The following NAAA variants were observed in gnomAD, a reference collection of about 807,000 sequenced individuals.
NAAA encodes N-acylethanolamine acid amidase.
A neutral mutation model predicts 44.8 loss-of-function variants in NAAA; 39 were observed. The observed-to-expected ratio is 0.87, with a 90% CI of 0.67 to 1.14. The LOEUF (loss-of-function observed/expected upper bound fraction) is 1.14, where lower values mean the gene tolerates loss of function less well. Ranked by LOEUF, NAAA falls within the 50% of genes most tolerant of loss-of-function variation. The probability of loss-of-function intolerance (pLI) is 0.00; values close to 1 mark genes in which losing one functional copy is unlikely to be tolerated. For synonymous variants in NAAA, 178 were observed against 191.3 expected (o/e 0.93, Z 0.58); for missense variants, 460 against 467.8 (o/e 0.98, Z 0.15).
intron 9 of NAAA, chr4:75,916,326 C>G (rs573636525): frequency 6.6e-6 from 1 of 152,078 alleles, no homozygotes; most frequent in African/African-American, 2.4e-5. Flanking sequence ...ATGTAAAGGG[C>G]CTGAGAGTCA....
intron 4 of NAAA, chr4:75,930,488 AG>A (rs1478976807): frequency 1.9e-6 from 1 of 518,470 alleles, no homozygotes; most frequent in Admixed American, 1.9e-5. Flanking sequence ...GGGTCTAAGA[AG>A]AAGACATGTG....
chr4:75,930,586 C>A (rs910976676), intron 4 of NAAA: 3 of 453,116 alleles, frequency 6.6e-6, no homozygotes, highest in African/African-American at 6.0e-5. Flanking sequence ...ACAGTAGTTT[C>A]CAAATGGTCT....
intron 9 of NAAA, 152 bp from the exon 10 acceptor site, chr4:75,915,137 T>C (rs1725524380): frequency 1.8e-5 from 11 of 623,384 alleles, no homozygotes; most frequent in Non-Finnish European, 2.8e-5. Flanking sequence ...GAGGTCAAAG[T>C]GCACTTTCCT....
chr4:75,926,018 G>A (rs1478259708), intron 4 of NAAA, among the ~76,000 whole-genome samples: 3 of 152,112 alleles, frequency 2.0e-5, no homozygotes, highest in Non-Finnish European at 4.4e-5. Flanking sequence ...TAGCCATCAA[G>A]GGAAGTGTCT....
chr4:75,914,432 T>C (rs1426650831), intron 10 of NAAA, 94 bp from the exon 11 acceptor site: 1 of 463,200 alleles, frequency 2.2e-6, no homozygotes, highest in African/African-American at 2.1e-5. Context: ...TGGAGTGCAG[T>C]GGTGTGATCT....
At chr4:75,935,946 G>T in intron 3 of NAAA, 163 bp downstream of exon 3, 1 of 755,170 alleles carries the variant, frequency 1.3e-6, no homozygotes, top group Non-Finnish European at 2.2e-6. Context: ...CTTCCTATAA[G>T]CATAATTGAT....
rs564851528 is a variant in NAAA, at chr4:75,931,401, T to A, written c.499-97A>T. 4.3e-5 allele frequency: 37 copies of A among 868,586 alleles called. No homozygotes were observed. The South Asian group carries it at 6.1e-4, about 14-fold the overall frequency. The allele number at this position is 868,586 out of a possible 1,614,324, so 53.8% of individuals were successfully genotyped here. A position where few individuals can be genotyped will look rare whatever the true frequency, so the allele number is the denominator to read the frequency against. On this transcript the variant is annotated intron_variant, in intron 3 of 10. Coordinates refer to ENST00000286733, the MANE Select transcript of NAAA (RefSeq NM_014435.4). ...ACAATTTTCTGGATTTTTTTTCTTA[T>A]AAATTCCAACACAATAGAATAAAAC...
intron 4 of NAAA, among the ~76,000 whole-genome samples, chr4:75,927,384 G>C (rs571016416): frequency 9.9e-5 from 15 of 152,228 alleles, no homozygotes; most frequent in African/African-American, 3.6e-4. Flanking sequence ...GATTGAGGCT[G>C]CAGTGAGCCA....
intron 4 of NAAA, among the ~76,000 whole-genome samples, chr4:75,930,278 G>A (rs965377020): frequency 6.6e-6 from 1 of 152,112 alleles, no homozygotes; most frequent in Non-Finnish European, 1.5e-5. Flanking sequence ...ACATACTGTG[G>A]AACTAAATGG....
intron 9 of NAAA, among the ~76,000 whole-genome samples, chr4:75,915,695 TG>T (rs200179421): frequency 6.6e-6 from 1 of 151,970 alleles, no homozygotes; most frequent in African/African-American, 2.4e-5. Context: ...CACCATGCTT[TG>T]GGGGGGTGGT....
intron 5 of NAAA, among the ~76,000 whole-genome samples, chr4:75,923,032 C>CTT (rs78481348): frequency 0.021 from 3,038 of 144,308 alleles, 102 homozygotes; most frequent in African/African-American, 0.072. Flanking sequence ...TTTCTTCTTC[C>CTT]TTTTTTTTTT....
chr4:75,931,409 A>T (rs1229610048), intron 3 of NAAA, 105 bp from the exon 4 acceptor site: 2 of 769,874 alleles, frequency 2.6e-6, no homozygotes, highest in Admixed American at 2.5e-5. Context: ...TATAAATTCC[A>T]ACACAATAGA....
chr4:75,924,853 G>A (rs1025966426), intron 5 of NAAA, among the ~76,000 whole-genome samples: 1 of 152,124 alleles, frequency 6.6e-6, no homozygotes, highest in East Asian at 1.9e-4. Context: ...TCAAGGCCAC[G>A]TCTCTCAGAT....
At chr4:75,935,712 T>C (rs1385512945) in intron 3 of NAAA, 1 of 223,462 alleles carries the variant, frequency 4.5e-6, no homozygotes, top group African/African-American at 2.3e-5. Context: ...ATTGATAGAA[T>C]CAAGATTTAA....
chr4:75,933,441 T>A (rs1727421712), intron 3 of NAAA, among the ~76,000 whole-genome samples: 1 of 152,098 alleles, frequency 6.6e-6, no homozygotes, highest in Non-Finnish European at 1.5e-5. Context: ...CAGAAATAAG[T>A]CTTCCTTACT....
intron 2 of NAAA, among the ~76,000 whole-genome samples, chr4:75,939,193 C>T (rs1185858719): frequency 6.6e-6 from 1 of 152,058 alleles, no homozygotes; most frequent in Non-Finnish European, 1.5e-5. Context: ...GGTCCAAACA[C>T]TGGCTGGCCC....
intron 4 of NAAA, among the ~76,000 whole-genome samples, chr4:75,928,605 C>T (rs559405700): frequency 5.3e-5 from 8 of 152,092 alleles, no homozygotes; most frequent in African/African-American, 1.7e-4. Context: ...GCCTAGTAGA[C>T]GTCAGAGTGG....
At chr4:75,921,257 A>G in intron 5 of NAAA, 134 bp from the exon 6 acceptor site, 1 of 815,078 alleles carries the variant, frequency 1.2e-6, no homozygotes, top group Non-Finnish European at 1.8e-6. Flanking sequence ...CTCTGACCTT[A>G]TCCTCTTGTT....
chr4:75,940,898 G>A lies in NAAA; in HGVS notation c.52C>T (p.Leu18=), dbSNP rs1389158073. 4 of 1,536,870 alleles carry A rather than the reference G, an allele frequency of 2.6e-6. No individual in the cohort carries two copies. The South Asian group carries it at 3.6e-5, about 14-fold the overall frequency. The part of the protein sequence containing the change: ...ARPGLPSLLL[L]LLAGAGLSAA... ...GACAGCCCGGCCCCGGCCAGCAGCAGCAGCAGCAGGGACGGAAGCCCCGGG... is the reference window on the plus strand; with the variant it reads ...GACAGCCCGGCCCCGGCCAGCAGCAACAGCAGCAGGGACGGAAGCCCCGGG... The change falls in exon 1 of 11, where the codon CTG becomes TTG. Residue 18 remains leucine, a synonymous_variant. Transcript: ENST00000286733.
Sources: gnomAD v4.1 joint callset for allele counts (sites outside exome capture counted in the v4.1 genomes callset) on GRCh38, gnomAD v4.1.1 for gene constraint, MANE v1.5 for transcripts, NCBI Gene and HGNC (gene_info 2026-07-23, HGNC 2026-07-21) for gene names.